The following SDK1 variants were observed in gnomAD, a reference collection of about 807,000 sequenced individuals.
SDK1 encodes sidekick cell adhesion molecule 1.
Under a neutral mutation model 245.5 loss-of-function variants are expected in SDK1, and 157 were observed. The observed-to-expected ratio is 0.64, with a 90% CI of 0.56 to 0.73. The LOEUF (loss-of-function observed/expected upper bound fraction) is 0.73. Ranked by LOEUF, SDK1 falls within the 30% of genes least tolerant of loss-of-function variation. The pLI is 0.00. For missense variants in SDK1, 3,583 were observed against 3,002.3 expected, an observed-to-expected ratio of 1.19 and a Z score of -4.52; for synonymous variants, 1,647 against 1,278.5, an observed-to-expected ratio of 1.29 and a Z score of -6.15.
At chr7:3,850,051 C>G (rs1780379392) in intron 5 of SDK1, among the ~76,000 whole-genome samples, 2 of 152,164 alleles carry the variant, frequency 1.3e-5, no homozygotes, top group Admixed American at 1.3e-4. Flanking sequence ...TAACATCAGT[C>G]AAAACTTGGA....
chr7:3,324,978 C>T (rs1302079210), intron 1 of SDK1, among the ~76,000 whole-genome samples: 1 of 152,146 alleles, frequency 6.6e-6, no homozygotes, highest in Non-Finnish European at 1.5e-5. Flanking sequence ...TGTATTCAAG[C>T]CACATATAGT....
chr7:3,722,850 C>T (rs1408799386), intron 4 of SDK1, among the ~76,000 whole-genome samples: 1 of 152,176 alleles, frequency 6.6e-6, no homozygotes, highest in Non-Finnish European at 1.5e-5. Context: ...TGACCACTCC[C>T]CTCCTGGCCA....
In SDK1 at chr7:3,821,517, G is replaced by C. The variant is rs145830129; in HGVS notation, c.781G>C (p.Val261Leu). ...AACCAGTGATGCCGGGGCATACTACGTGCAGGCCGTGAATGAGAAAAATGG... is the reference window on the plus strand; with the variant it reads ...AACCAGTGATGCCGGGGCATACTACCTGCAGGCCGTGAATGAGAAAAATGG... Reference protein sequence around the residue: ...TTTSDAGAYYVQAVNEKNGEN... With the variant: ...TTTSDAGAYYLQAVNEKNGEN... Residue 261 changes from valine to leucine, a missense_variant, in exon 5 of 45, where the codon GTG becomes CTG. Val to Leu is a conservative substitution (Grantham distance 32). Coordinates refer to ENST00000404826, the MANE Select transcript of SDK1 (RefSeq NM_152744.4). 2.5e-6 allele frequency: 4 copies of C among 1,613,790 alleles called. No homozygotes were observed. Among genetic ancestry groups the C allele is most frequent in the East Asian group, 2.2e-5 (1 of 44,828 alleles).
intron 4 of SDK1, among the ~76,000 whole-genome samples, chr7:3,694,061 T>G (rs1583314715): frequency 6.6e-6 from 1 of 152,192 alleles, no homozygotes; most frequent in Non-Finnish European, 1.5e-5. Context: ...AGTTCACCTT[T>G]TATGATTTAT....
intron 22 of SDK1, among the ~76,000 whole-genome samples, chr7:4,090,559 C>T (rs1781721796): frequency 1.3e-5 from 2 of 152,314 alleles, no homozygotes; most frequent in Admixed American, 6.5e-5. Flanking sequence ...GGGAGCCCAT[C>T]CAGCTGGCTT....
At chr7:3,924,309 A>G (rs1385891756) in intron 5 of SDK1, among the ~76,000 whole-genome samples, 1 of 152,138 alleles carries the variant, frequency 6.6e-6, no homozygotes, top group Admixed American at 6.5e-5. Flanking sequence ...AGTGAACTGT[A>G]GGCTCTCATT....
intron 4 of SDK1, among the ~76,000 whole-genome samples, chr7:3,664,487 C>G (rs1783463518): frequency 6.6e-6 from 1 of 152,036 alleles, no homozygotes; most frequent in Non-Finnish European, 1.5e-5. Context: ...ACCTGTAAAC[C>G]CAGCACTTTG....
chr7:3,352,722 C>CT (rs948227658), intron 1 of SDK1, among the ~76,000 whole-genome samples: 25 of 151,002 alleles, frequency 1.7e-4, no homozygotes, highest in East Asian at 3.9e-4. Context: ...AGAGATTTTT[C>CT]TTTTTTTTTC....
intron 14 of SDK1, among the ~76,000 whole-genome samples, chr7:3,996,808 T>C (rs1012268857): frequency 2.6e-5 from 4 of 152,252 alleles, no homozygotes; most frequent in African/African-American, 9.6e-5. Context: ...ATTGTTTTCT[T>C]TTTGTTTTTC....
Position 4,267,711 on chromosome 7 carries a change from G to A in SDK1, c.*2327G>A, listed in dbSNP as rs768453152. ...GATTCGAGATATGTTTGTTGCTCTC[G>A]GGTTTTCGATACAACATCATGACAC... On this transcript the variant is annotated 3_prime_UTR_variant, in exon 45 of 45. Transcript: ENST00000404826. 6.1e-6 allele frequency: 6 copies of A among 985,326 alleles called. No homozygotes were observed. Among genetic ancestry groups the A allele is most frequent in the African/African-American group, 1.7e-5 (1 of 57,232 alleles). The allele number at this position is 985,326 out of a possible 1,614,324, so 61.0% of individuals were successfully genotyped here. A position where few individuals can be genotyped will look rare whatever the true frequency, so the allele number is the denominator to read the frequency against.
At chr7:3,548,529 G>C (rs1732733270) in intron 1 of SDK1, among the ~76,000 whole-genome samples, 1 of 152,184 alleles carries the variant, frequency 6.6e-6, no homozygotes, top group Non-Finnish European at 1.5e-5. Context: ...AAACAATGCT[G>C]AGATGAACAT....
chr7:3,501,363 G>C (rs1782207261), intron 1 of SDK1, among the ~76,000 whole-genome samples: 1 of 140,232 alleles, frequency 7.1e-6, no homozygotes, highest in Non-Finnish European at 1.5e-5. Flanking sequence ...CTATGGGCTA[G>C]GGAATCAGGA....
At chr7:3,807,387 G>A (rs907812054) in intron 4 of SDK1, among the ~76,000 whole-genome samples, 8 of 152,192 alleles carry the variant, frequency 5.3e-5, no homozygotes, top group African/African-American at 7.2e-5. Flanking sequence ...GCATGCTGTG[G>A]TATAGTCGCG....
At position 3,625,232 on chromosome 7, in the gene SDK1, G is replaced by A. The variant is rs985412425; in HGVS notation, c.458+5993G>A. 6.6e-5 allele frequency among the ~76,000 whole-genome samples: 10 copies of A among 152,072 alleles called. No individual in the cohort carries two copies. In the East Asian group the frequency reaches 1.9e-3, roughly 29 times the overall value. ...TGAATGATCTCAGATTATACCAGGAGAAAGTACAAAAGCATTGAGAAACTT... is the reference window on the plus strand; with the variant it reads ...TGAATGATCTCAGATTATACCAGGAAAAAGTACAAAAGCATTGAGAAACTT... On this transcript the variant is annotated intron_variant, in intron 2 of 44. Coordinates refer to ENST00000404826, the MANE Select transcript of SDK1 (RefSeq NM_152744.4).
rs761020499 is a variant in SDK1 at position 4,076,986 on chromosome 7, G to T, written c.3011-12G>T. 6 of 1,612,906 alleles carry T rather than the reference G, an allele frequency of 3.7e-6. No individual in the cohort carries two copies. Among genetic ancestry groups the T allele is most frequent in the Non-Finnish European group, 4.2e-6 (5 of 1,179,702 alleles). ...AGGAGACCAACACTGGTCTGGTCCT[G>T]TTGCTTTCTAGGCTATCAGATCTCT... On this transcript the variant is annotated splice_polypyrimidine_tract_variant and intron_variant, in intron 20 of 44. Transcript: ENST00000404826.
At chr7:3,790,168 C>G (rs150288758) in intron 4 of SDK1, among the ~76,000 whole-genome samples, 7 of 152,276 alleles carry the variant, frequency 4.6e-5, no homozygotes, top group Admixed American at 2.6e-4. Flanking sequence ...TGCCGTCCTT[C>G]CTCAGACACC....
At chr7:4,130,720 T>C (rs1320045215) in intron 27 of SDK1, among the ~76,000 whole-genome samples, 5 of 152,222 alleles carry the variant, frequency 3.3e-5, no homozygotes, top group Non-Finnish European at 5.9e-5. Flanking sequence ...TCGGTAAATA[T>C]GTTTTCCCAC....
chr7:3,993,107 C>T (rs1278555091), intron 14 of SDK1, among the ~76,000 whole-genome samples: 1 of 151,660 alleles, frequency 6.6e-6, no homozygotes, highest in Admixed American at 6.6e-5. Context: ...CGTTATTTTA[C>T]CTTCTTAAAA....
chr7:3,617,137 G>T lies in SDK1; in HGVS notation c.299-1943G>T, dbSNP rs114216361. 3.9e-3 allele frequency among the ~76,000 whole-genome samples: 593 copies of T among 152,170 alleles called. 5 individuals are homozygous for T. Among genetic ancestry groups the T allele is most frequent in the African/African-American group, 0.013 (554 of 41,500 alleles). ...TGTTATAGGGCTTTTGTGAGAAATA[G>T]GTTAATATATATATAAGGCATTTAG... On this transcript the variant is annotated intron_variant, in intron 1 of 44. Coordinates refer to ENST00000404826, the MANE Select transcript of SDK1 (RefSeq NM_152744.4).
Sources: allele counts gnomAD v4.1 joint callset (sites outside exome capture counted in the v4.1 genomes callset), GRCh38; gene constraint gnomAD v4.1.1; transcripts MANE v1.5; gene names NCBI Gene and HGNC (gene_info 2026-07-23, HGNC 2026-07-21).